Variants in RFX4 observed in about 807,000 individuals in gnomAD.
The protein encoded by RFX4 is transcription factor RFX4.
Under a neutral mutation model 95.0 loss-of-function variants are expected in RFX4, and 10 were observed. The observed-to-expected ratio is 0.11, with a 90% CI of 0.06 to 0.18. The LOEUF (loss-of-function observed/expected upper bound fraction) is 0.18. RFX4 is among the 10% of genes least tolerant of loss of function. The pLI is 1.00. For missense variants in RFX4, 640 were observed against 922.0 expected (o/e 0.69, Z 3.96); for synonymous variants, 321 against 340.7 (o/e 0.94, Z 0.64).
At chr12:106,601,104 G>A in intron 1 of RFX4, 3 of 1,408,478 alleles carry the variant, frequency 2.1e-6, no homozygotes, top group Non-Finnish European at 2.8e-6. Flanking sequence ...CCCCTTCCTG[G>A]AACCCAGCAG....
intron 2 of RFX4, among the ~76,000 whole-genome samples, chr12:106,617,258 T>A (rs1158313594): frequency 1.3e-5 from 2 of 152,218 alleles, no homozygotes; most frequent in African/African-American, 4.8e-5. Flanking sequence ...ATTTCTGCTC[T>A]TATTTTTCTT....
chr12:106,754,326 C>T (rs2043069469), intron 17 of RFX4, among the ~76,000 whole-genome samples: 1 of 152,204 alleles, frequency 6.6e-6, no homozygotes, highest in Non-Finnish European at 1.5e-5. Context: ...ACGGCTGCAA[C>T]AGCCTAGATC....
chr12:106,641,965 A>C lies in RFX4; in HGVS notation c.191+2573A>C, dbSNP rs866597216. On this transcript the variant is annotated intron_variant, in intron 3 of 17. Transcript: ENST00000392842. ...TATGTCTATATCTATCTATATCTAT[A>C]TCTATCTATATCTATATCTATATCT... Among the ~76,000 whole-genome samples the C allele has an allele frequency of 5.2e-3, 336 of 65,048 alleles. 3 individuals are homozygous for C. Among genetic ancestry groups the C allele is most frequent in the Middle Eastern group, 0.018 (2 of 114 alleles). The allele number at this position is 65,048 out of a possible 152,430, so 42.7% of individuals were successfully genotyped here.
intron 4 of RFX4, among the ~76,000 whole-genome samples, chr12:106,663,949 C>T (rs766128645): frequency 6.6e-5 from 10 of 151,658 alleles, no homozygotes; most frequent in South Asian, 4.2e-4. Flanking sequence ...TTTTATACAT[C>T]ATTGGATTCA....
chr12:106,689,352 C>T lies in RFX4; in HGVS notation c.657C>T (p.Ala219=), dbSNP rs2041731835. ...GAATACTGGACACTGTAATAAGAGCCAACTTTGATGAGGTAGGTCAACAAG... is the reference window on the plus strand; with the variant it reads ...GAATACTGGACACTGTAATAAGAGCTAACTTTGATGAGGTAGGTCAACAAG... ...CQRILDTVIR[A]NFDEVQSFLL... is the part of the protein sequence containing the mutation. Residue 219 remains alanine, a synonymous_variant, in exon 7 of 18, where the codon GCC becomes GCT. Coordinates refer to ENST00000392842, the MANE Select transcript of RFX4 (RefSeq NM_213594.3). 1.9e-6 allele frequency: 3 copies of T among 1,612,868 alleles called. No homozygotes were observed. Among genetic ancestry groups the T allele is most frequent in the Non-Finnish European group, 2.5e-6 (3 of 1,178,866 alleles).
intron 13 of RFX4, among the ~76,000 whole-genome samples, chr12:106,730,816 C>A (rs1482929764): frequency 6.6e-6 from 1 of 152,162 alleles, no homozygotes; most frequent in Non-Finnish European, 1.5e-5. Context: ...ACCTGGCCAA[C>A]ATGGCGAAAC....
intron 2 of RFX4, among the ~76,000 whole-genome samples, chr12:106,615,183 CT>C (rs1268294944): frequency 6.6e-6 from 1 of 151,774 alleles, no homozygotes; most frequent in Non-Finnish European, 1.5e-5. Flanking sequence ...AATCAAAGTT[CT>C]TTTTTTTCTT....
intron 2 of RFX4, among the ~76,000 whole-genome samples, chr12:106,609,840 TCC>T (rs1443743627): frequency 6.6e-6 from 1 of 152,168 alleles, no homozygotes; most frequent in Non-Finnish European, 1.5e-5. Context: ...TCATGTCTCC[TCC>T]CTGTCAATCA....
chr12:106,712,635 G>C (rs1015390793), intron 10 of RFX4, among the ~76,000 whole-genome samples: 1 of 152,100 alleles, frequency 6.6e-6, no homozygotes, highest in African/African-American at 2.4e-5. Flanking sequence ...CCCTGGCATG[G>C]ACAGCACAGG....
chr12:106,709,262 C>T lies in RFX4; in HGVS notation c.834-68C>T. On this transcript the variant is annotated intron_variant, in intron 8 of 17. Transcript: ENST00000392842. ...AAACATGATTAGGGGAAATAAAACC[C>T]TCTAGGGGCCTGTGGGAGGAGCTAA... 5 of 1,281,204 alleles carry T rather than the reference C, an allele frequency of 3.9e-6. No homozygotes were observed. In the South Asian group the frequency reaches 6.4e-5, roughly 16 times the overall value. 79.4% of individuals were successfully genotyped at this position (1,281,204 alleles called of 1,614,324 possible). A position where few individuals can be genotyped will look rare whatever the true frequency, so the allele number is the denominator to read the frequency against.
chr12:106,685,148 C>A (rs777792244), intron 5 of RFX4, among the ~76,000 whole-genome samples: 2 of 152,100 alleles, frequency 1.3e-5, no homozygotes. Flanking sequence ...CGACTCTAGA[C>A]GTACTAAATA....
At chr12:106,644,478 C>T (rs746623396) in intron 3 of RFX4, among the ~76,000 whole-genome samples, 5 of 152,114 alleles carry the variant, frequency 3.3e-5, no homozygotes, top group Admixed American at 6.6e-5. Flanking sequence ...AGTGATCCAC[C>T]GGCCTCAGCC....
At chr12:106,708,187 G>C (rs1339884871) in intron 8 of RFX4, among the ~76,000 whole-genome samples, 1 of 152,166 alleles carries the variant, frequency 6.6e-6, no homozygotes, top group Non-Finnish European at 1.5e-5. Flanking sequence ...TGAATATACA[G>C]GAGAAGGGAC....
chr12:106,753,620 T>G (rs1041901899), intron 17 of RFX4, among the ~76,000 whole-genome samples: 5 of 152,114 alleles, frequency 3.3e-5, no homozygotes, highest in Non-Finnish European at 5.9e-5. Context: ...CTGAGCACTC[T>G]CCACATCCCT....
At chr12:106,706,112 T>TA (rs1370054586) in intron 8 of RFX4, among the ~76,000 whole-genome samples, 2 of 152,164 alleles carry the variant, frequency 1.3e-5, no homozygotes, top group Admixed American at 1.3e-4. Context: ...AACATGGAGC[T>TA]AAGCAGGTGA....
chr12:106,740,567 A>T (rs1387603103), intron 15 of RFX4, among the ~76,000 whole-genome samples: 1 of 152,124 alleles, frequency 6.6e-6, no homozygotes, highest in Non-Finnish European at 1.5e-5. Context: ...TCCCTCATTC[A>T]TTCATTTGTT....
intron 8 of RFX4, among the ~76,000 whole-genome samples, chr12:106,702,025 A>G (rs1281903953): frequency 6.6e-6 from 1 of 152,080 alleles, no homozygotes; most frequent in Non-Finnish European, 1.5e-5. Context: ...TATCACATTT[A>G]TTATTAATAT....
At chr12:106,757,688 A>G (rs979752396) in intron 17 of RFX4, among the ~76,000 whole-genome samples, 3 of 152,168 alleles carry the variant, frequency 2.0e-5, no homozygotes, top group African/African-American at 7.2e-5. Context: ...GCCGCCTTTC[A>G]TAGGAAAACA....
At chr12:106,678,948 A>G (rs1433608108) in intron 4 of RFX4, among the ~76,000 whole-genome samples, 5 of 152,182 alleles carry the variant, frequency 3.3e-5, no homozygotes, top group African/African-American at 9.7e-5. Flanking sequence ...GTAGACTTAC[A>G]TTTAGCTTTT....
Sources: allele counts gnomAD v4.1 joint callset (sites outside exome capture counted in the v4.1 genomes callset), GRCh38; gene constraint gnomAD v4.1.1; transcripts MANE v1.5; gene names NCBI Gene and HGNC (gene_info 2026-07-23, HGNC 2026-07-21).